PSPC1: variants seen among roughly 807,000 people sequenced by gnomAD.
PSPC1 encodes the protein paraspeckle component 1.
In PSPC1, 14 loss-of-function variants were observed where a neutral mutation model predicts 51.6. The observed-to-expected ratio is 0.27, with a 90% CI of 0.18 to 0.42. The LOEUF is 0.42. PSPC1 is among the 10% of genes least tolerant of loss of function. The pLI, the probability that PSPC1 is intolerant of heterozygous loss-of-function variation, is 1.00. For synonymous variants in PSPC1, 193 were observed against 231.9 expected, an observed-to-expected ratio of 0.83 and a Z score of 1.53; for missense variants, 406 against 701.1, an observed-to-expected ratio of 0.58 and a Z score of 4.75.
intron 6 of PSPC1, among the ~76,000 whole-genome samples, chr13:19,722,359 G>A (rs1882871588): frequency 6.6e-6 from 1 of 151,998 alleles, no homozygotes; most frequent in Admixed American, 6.6e-5. Context: ...AATTAGGAGG[G>A]GCTGGTGTCA....
chr13:19,759,199 C>A, intron 3 of PSPC1, 124 bp downstream of exon 3: 1 of 728,550 alleles, frequency 1.4e-6, no homozygotes, highest in African/African-American at 1.8e-5. Flanking sequence ...TCCATGTAGA[C>A]TAGACCACTC....
At chr13:19,733,782 A>AAAG (rs1884426867) in intron 5 of PSPC1, among the ~76,000 whole-genome samples, 1 of 137,856 alleles carries the variant, frequency 7.3e-6, no homozygotes, top group Non-Finnish European at 1.6e-5. Context: ...AAAAAAGAAA[A>AAAG]AAAAATATAT....
chr13:19,774,278 G>A (rs1380684985), intron 1 of PSPC1, among the ~76,000 whole-genome samples: 1 of 152,082 alleles, frequency 6.6e-6, no homozygotes, highest in African/African-American at 2.4e-5. Flanking sequence ...AACTGAAGAG[G>A]CTTTATATGT....
intron 2 of PSPC1, among the ~76,000 whole-genome samples, chr13:19,763,499 G>C (rs1887776916): frequency 6.6e-6 from 1 of 152,186 alleles, no homozygotes; most frequent in African/African-American, 2.4e-5. Flanking sequence ...GACTGAGAGA[G>C]AGAGGCTTCG....
chr13:19,744,555 CTTT>C (rs1044762360), intron 4 of PSPC1, among the ~76,000 whole-genome samples: 1 of 150,920 alleles, frequency 6.6e-6, no homozygotes, highest in African/African-American at 2.4e-5. Context: ...CTAGAGATGT[CTTT>C]TTTTTTCTTT....
intron 6 of PSPC1, among the ~76,000 whole-genome samples, chr13:19,715,927 T>C (rs953380526): frequency 6.6e-6 from 1 of 151,950 alleles, no homozygotes; most frequent in Non-Finnish European, 1.5e-5. Context: ...GGCAGGAGAA[T>C]GGCATGAACC....
At chr13:19,752,285 G>T (rs73168903) in intron 3 of PSPC1, among the ~76,000 whole-genome samples, 293 of 152,194 alleles carry the variant, frequency 1.9e-3, no homozygotes, top group Non-Finnish European at 3.4e-3. Flanking sequence ...ATCAAATGTG[G>T]CTGTTAAATG....
At chr13:19,698,926 C>T (rs1304071206), downstream of PSPC1, among the ~76,000 whole-genome samples, 1 of 151,368 alleles carries the variant, frequency 6.6e-6, no homozygotes, top group Non-Finnish European at 1.5e-5. Flanking sequence ...ATAGAAAAAA[C>T]ACATACACTG....
intron 7 of PSPC1, among the ~76,000 whole-genome samples, chr13:19,707,038 A>G (rs373906404): frequency 6.6e-6 from 1 of 152,172 alleles, no homozygotes; most frequent in Admixed American, 6.5e-5. Flanking sequence ...TCTACAATCT[A>G]GACATGAAGA....
At chr13:19,742,840 AG>A (rs1299676211) in intron 4 of PSPC1, among the ~76,000 whole-genome samples, 1 of 152,212 alleles carries the variant, frequency 6.6e-6, no homozygotes, top group Non-Finnish European at 1.5e-5. Flanking sequence ...CAGACCAAAC[AG>A]GAATCATGAC....
chr13:19,774,831 A>G (rs1888946036), intron 1 of PSPC1, among the ~76,000 whole-genome samples: 1 of 150,426 alleles, frequency 6.6e-6, no homozygotes, highest in Non-Finnish European at 1.5e-5. Context: ...AAAAAAAAAA[A>G]GAAAAAGAAA....
Position 19,782,936 on chromosome 13 carries a change from T to C in PSPC1, c.-179A>G, listed in dbSNP as rs893399496. 5 of 583,712 alleles carry C rather than the reference T, an allele frequency of 8.6e-6. No homozygotes were observed. Among genetic ancestry groups the C allele is most frequent in the Non-Finnish European group, 1.1e-5 (4 of 379,428 alleles). 36.2% of individuals were successfully genotyped at this position (583,712 alleles called of 1,614,324 possible). A position where few individuals can be genotyped will look rare whatever the true frequency, so the allele number is the denominator to read the frequency against. ...ACTCACGCCCGCTGCAGCTGCACAT[T>C]CAAAATGGCGCTGCCACAAACTGCA... On this transcript the variant is annotated 5_prime_UTR_variant, in exon 1 of 9. Coordinates refer to ENST00000338910, the MANE Select transcript of PSPC1 (RefSeq NM_001354909.2). This position sits in a 1 kb window ranked among gnomAD's most constrained non-coding sequence, Gnocchi z 4.5.
chr13:19,740,071 C>T (rs931144445), intron 5 of PSPC1, among the ~76,000 whole-genome samples: 3 of 151,562 alleles, frequency 2.0e-5, no homozygotes, highest in African/African-American at 7.3e-5. Flanking sequence ...GGGCCGGGCA[C>T]GGTGGCTCAC....
At chr13:19,673,087 G>GTTT, downstream of PSPC1, 1 of 52,654 alleles carries the variant, frequency 1.9e-5, no homozygotes, top group Non-Finnish European at 6.0e-5. Flanking sequence ...GAACCTATAC[G>GTTT]GTTTTTTTTT....
intron 6 of PSPC1, among the ~76,000 whole-genome samples, chr13:19,686,314 T>C (rs1877870471): frequency 6.6e-6 from 1 of 152,198 alleles, no homozygotes; most frequent in Non-Finnish European, 1.5e-5. Flanking sequence ...ACAAAAATCG[T>C]ACTCTTTCTA....
chr13:19,779,026 C>T (rs1350023334), intron 1 of PSPC1, among the ~76,000 whole-genome samples: 1 of 139,490 alleles, frequency 7.2e-6, no homozygotes, highest in South Asian at 2.5e-4. Flanking sequence ...CCCCGCTGCC[C>T]CATCTGGGAT....
At chr13:19,684,897 A>C (rs1429138328) in intron 6 of PSPC1, among the ~76,000 whole-genome samples, 1 of 152,242 alleles carries the variant, frequency 6.6e-6, no homozygotes, top group Non-Finnish European at 1.5e-5. Context: ...GGATCATTAC[A>C]TGTTTTAATG....
chr13:19,722,843 C>T (rs1339303557), intron 6 of PSPC1, among the ~76,000 whole-genome samples: 1 of 151,982 alleles, frequency 6.6e-6, no homozygotes, highest in African/African-American at 2.4e-5. Context: ...GGCACAGTGA[C>T]TCATGCCTGT....
chr13:19,735,311 C>CA lies in PSPC1; in HGVS notation c.1053-4968dup, dbSNP rs1053317182. On this transcript the variant is annotated intron_variant, in intron 5 of 8. Transcript: ENST00000338910. The stretch of plus-strand genomic sequence containing the variant: ...GGGCGACAAGAACGAAACTCTGTCT[C>CA]AAAAAACAAACCAAAGAAACGAAGT... Among the ~76,000 whole-genome samples the CA allele has an allele frequency of 2.6e-5, 4 of 152,006 alleles. No homozygotes were observed. The South Asian group carries it at 6.3e-4, about 24-fold the overall frequency.
Sources: allele counts gnomAD v4.1 joint callset (sites outside exome capture counted in the v4.1 genomes callset), GRCh38; gene constraint gnomAD v4.1.1; non-coding constraint Gnocchi (gnomAD v3.1); transcripts MANE v1.5; gene names NCBI Gene and HGNC (gene_info 2026-07-23, HGNC 2026-07-21).